TMEM259: variants seen among roughly 807,000 people sequenced by gnomAD.
The protein encoded by TMEM259 is transmembrane protein 259.
TMEM259 carries 26 observed loss-of-function variants against 46.7 expected under a neutral mutation model. The observed-to-expected ratio is 0.56, with a 90% CI of 0.41 to 0.77. The LOEUF (loss-of-function observed/expected upper bound fraction) is 0.77, where lower values mean the gene tolerates loss of function less well. TMEM259 is among the 30% of genes least tolerant of loss of function. The pLI is 0.00. For synonymous variants in TMEM259, 494 were observed against 395.1 expected (o/e 1.25, Z -2.97); for missense variants, 930 against 900.5 (o/e 1.03, Z -0.42).
intron 2 of TMEM259, 47 bp from the exon 3 acceptor site, chr19:1,013,387 G>T (rs1250185582): frequency 6.3e-7 from 1 of 1,583,366 alleles, no homozygotes; most frequent in Admixed American, 1.7e-5. Flanking sequence ...AGCCCGGGCT[G>T]TGAGGGCCCA....
Position 1,009,827 on chromosome 19 carries a change from G to A in TMEM259, c.*523C>T, listed in dbSNP as rs1294847586. The stretch of plus-strand genomic sequence containing the variant: ...CCTGGCTGCTGCCACTGATGTTGGC[G>A]CCTGCACCCCACGTCCCTATGCCCG... On this transcript the variant is annotated 3_prime_UTR_variant, in exon 11 of 11. Transcript: ENST00000356663. 4.4e-6 allele frequency: 2 copies of A among 454,532 alleles called. No homozygotes were observed. The highest frequency in any genetic ancestry group is 4.5e-5 in the South Asian group (1 of 22,132). 28.2% of individuals were successfully genotyped at this position (454,532 alleles called of 1,614,324 possible).
At chr19:1,014,585 A>G in intron 1 of TMEM259, 112 bp from the exon 2 acceptor site, 1 of 1,275,346 alleles carries the variant, frequency 7.8e-7, no homozygotes, top group East Asian at 2.5e-5. Context: ...GGACGGGGAA[A>G]GGAAGGAAAC....
At chr19:1,016,092 G>A (rs968292745) in intron 1 of TMEM259, among the ~76,000 whole-genome samples, 2 of 152,196 alleles carry the variant, frequency 1.3e-5, no homozygotes, top group Non-Finnish European at 2.9e-5. Context: ...AGCCGCAGGG[G>A]ATGAAGGCTG....
chr19:1,017,151 G>C (rs931242541), intron 1 of TMEM259: 4 of 397,998 alleles, frequency 1.0e-5, no homozygotes, highest in Non-Finnish European at 1.8e-5. Context: ...CCCGAGTCCC[G>C]GGTCCTCCTC....
Position 1,014,429 on chromosome 19 carries a change from G to A in TMEM259, c.270C>T (p.Phe90=). The change falls in exon 2 of 11, where the codon TTC becomes TTT. Residue 90 remains phenylalanine, a synonymous_variant. Transcript: ENST00000356663. The part of the protein sequence containing the change: ...LFVLAYIHIV[F]SRSPINCLEH... ...CCAGGCAGTTGATGGGCGAGCGGGAGAAGACGATGTGGATGTAGGCCAGGA... is the reference window on the plus strand; with the variant it reads ...CCAGGCAGTTGATGGGCGAGCGGGAAAAGACGATGTGGATGTAGGCCAGGA... The A allele has an allele frequency of 6.2e-7, 1 of 1,612,130 alleles. No individual in the cohort carries two copies. The highest frequency in any genetic ancestry group is 8.5e-7 in the Non-Finnish European group (1 of 1,179,882).
At chr19:1,014,582 G>T (rs2039047684) in intron 1 of TMEM259, 109 bp from the exon 2 acceptor site, 1 of 1,283,864 alleles carries the variant, frequency 7.8e-7, no homozygotes, top group Non-Finnish European at 1.1e-6. Context: ...CCAGGACGGG[G>T]AAAGGAAGGA....
At position 1,014,294 on chromosome 19, in the gene TMEM259, C is replaced by A. The variant is rs1230570983; in HGVS notation, c.405G>T (p.Gly135=). The A allele has an allele frequency of 6.2e-7, 1 of 1,612,648 alleles. No individual in the cohort carries two copies. The highest frequency in any genetic ancestry group is 2.2e-5 in the East Asian group (1 of 44,876). Residue 135 remains glycine (G), a synonymous_variant, in exon 2 of 11, where the codon GGG becomes GGT. Transcript: ENST00000356663. ...FLQFCDSGGR[G]SFPGLAVEPG... Reference sequence around the variant, plus strand: ...GTTCCACGGCCAGGCCCGGGAAGCTCCCGCGGCCGCCGCTGTCACAGAACT... The same window carrying A: ...GTTCCACGGCCAGGCCCGGGAAGCTACCGCGGCCGCCGCTGTCACAGAACT...
chr19:1,019,184 T>C (rs1431514187), intron 1 of TMEM259, among the ~76,000 whole-genome samples: 2 of 152,112 alleles, frequency 1.3e-5, no homozygotes, highest in East Asian at 3.8e-4. Context: ...CGGGTAGGCT[T>C]GATCCCTTTC....
intron 1 of TMEM259, among the ~76,000 whole-genome samples, chr19:1,015,504 C>G (rs1014268302): frequency 6.6e-6 from 1 of 152,192 alleles, no homozygotes; most frequent in Non-Finnish European, 1.5e-5. Context: ...CCCGCCTCAC[C>G]GTCTGGCGGT....
At chr19:1,016,377 G>A (rs959470252) in intron 1 of TMEM259, among the ~76,000 whole-genome samples, 1 of 152,182 alleles carries the variant, frequency 6.6e-6, no homozygotes, top group Admixed American at 6.5e-5. Flanking sequence ...CCAGTGGTGG[G>A]TCACGGTCAG....
In TMEM259 at chr19:1,010,508, G is replaced by A. The variant is rs779786855; in HGVS notation, c.1705C>T (p.Pro569Ser). 6.5e-7 allele frequency: 1 copy of A among 1,547,790 alleles called. No homozygotes were observed. The highest frequency in any genetic ancestry group is 8.7e-7 in the Non-Finnish European group (1 of 1,146,450). ...GGGAGGCCCCCAGCAGGGCCCAGCG[G>A]GCTGGCTGGACGCCGCTCCAGGAGG... ...ASLLERRPAS[P>S]LGPAGGLPHA... is the part of the protein sequence containing the mutation. The change falls in exon 11 of 11, where the codon CCG (proline) becomes TCG (serine). Residue 569 changes from proline (P) to serine (S), a missense_variant. Physicochemically the swap from Pro to Ser is moderately conservative, Grantham distance 74. Transcript: ENST00000356663.
chr19:1,011,227 A>T, intron 9 of TMEM259, 32 bp from the exon 10 acceptor site: 3 of 1,558,456 alleles, frequency 1.9e-6, no homozygotes, highest in Non-Finnish European at 2.6e-6. Flanking sequence ...TCGGGGCTGC[A>T]GGTCCCACCC....
chr19:1,011,976 C>A lies in TMEM259; in HGVS notation c.858G>T (p.Val286=), dbSNP rs1316978913. 2 of 1,612,048 alleles carry A rather than the reference C, an allele frequency of 1.2e-6. No homozygotes were observed. The highest frequency in any genetic ancestry group is 2.7e-5 in the African/African-American group (2 of 74,866). The change falls in exon 6 of 11, where the codon GTG becomes GTT. Residue 286 remains valine, a synonymous_variant. Transcript: ENST00000356663. ...NEENKGFLRN[V]VSGEHYRFVS... Reference sequence around the variant, plus strand: ...CAAAGCGGTAGTGCTCGCCCGACACCACATTCCGCAGGAAGCCTGCAGCAG... The same window carrying A: ...CAAAGCGGTAGTGCTCGCCCGACACAACATTCCGCAGGAAGCCTGCAGCAG...
chr19:1,017,519 G>T (rs776503842), intron 1 of TMEM259: 1 of 398,474 alleles, frequency 2.5e-6, no homozygotes, highest in Non-Finnish European at 4.4e-6. Context: ...CCCAGCACAG[G>T]AGTCACCCCA....
chr19:1,013,150 C>A, intron 3 of TMEM259, 91 bp downstream of exon 3: 3 of 1,151,112 alleles, frequency 2.6e-6, no homozygotes, highest in Non-Finnish European at 1.3e-6. Context: ...AGCCAGCAGG[C>A]TGGGGATGTT....
chr19:1,020,664 G>A lies in TMEM259; in HGVS notation c.225+108C>T. The A allele has an allele frequency of 2.6e-6, 2 of 768,728 alleles. No homozygotes were observed. The highest frequency in any genetic ancestry group is 3.6e-6 in the Non-Finnish European group (2 of 556,542). The allele number at this position is 768,728 out of a possible 1,614,324, so 47.6% of individuals were successfully genotyped here. ...CCGGGTATAGGCCTCAGGGTGCAGG[G>A]TGGCGCTCGCTGTCCCCAGCGGGGC... On this transcript the variant is annotated intron_variant, in intron 1 of 10. Transcript: ENST00000356663. This position sits in a 1 kb window ranked among gnomAD's most constrained non-coding sequence, Gnocchi z 4.0.
rs543289243 is a variant in TMEM259, at chr19:1,010,651, C to A, written c.1562G>T (p.Ser521Ile). The A allele has an allele frequency of 7.1e-5, 110 of 1,538,572 alleles. 1 individual carries two copies. In the African/African-American group the frequency reaches 1.0e-3, roughly 15 times the overall value. The change falls in exon 11 of 11, where the codon AGC becomes ATC. Residue 521 changes from serine to isoleucine, a missense_variant. Coordinates refer to ENST00000356663, the MANE Select transcript of TMEM259 (RefSeq NM_001033026.2). ...GSPGPVAAAPSSLVAAAASVA... is the reference protein window; with the variant it reads ...GSPGPVAAAPISLVAAAASVA... ...TGAGGCTGCCGCGGCCACCAGGGAGCTGGGCGCCGCTGCCACAGGCCCGGG... is the reference window on the plus strand; with the variant it reads ...TGAGGCTGCCGCGGCCACCAGGGAGATGGGCGCCGCTGCCACAGGCCCGGG...
chr19:1,011,983 C>T lies in TMEM259; in HGVS notation c.851G>A (p.Arg284Gln), dbSNP rs142318806. 3.1e-5 allele frequency: 50 copies of T among 1,612,074 alleles called. No individual in the cohort carries two copies. Among genetic ancestry groups the T allele is most frequent in the Admixed American group, 2.0e-4 (12 of 59,962 alleles). The change falls in exon 6 of 11, where the codon CGG becomes CAG. Residue 284 changes from arginine (R) to glutamine (Q), a missense_variant. Arg to Gln is a conservative substitution (Grantham distance 43). Coordinates refer to ENST00000356663, the MANE Select transcript of TMEM259 (RefSeq NM_001033026.2). ...GTAGTGCTCGCCCGACACCACATTCCGCAGGAAGCCTGCAGCAGAAGGAGC... is the reference window on the plus strand; with the variant it reads ...GTAGTGCTCGCCCGACACCACATTCTGCAGGAAGCCTGCAGCAGAAGGAGC... ...AENEENKGFL[R>Q]NVVSGEHYRF... is the part of the protein sequence containing the mutation.
chr19:1,015,518 G>T (rs1259614480), intron 1 of TMEM259, among the ~76,000 whole-genome samples: 1 of 152,170 alleles, frequency 6.6e-6, no homozygotes, highest in Non-Finnish European at 1.5e-5. Flanking sequence ...TGGCGGTTTG[G>T]CTGCCCACTG....
Sources: gnomAD v4.1 joint callset for allele counts (sites outside exome capture counted in the v4.1 genomes callset) on GRCh38, gnomAD v4.1.1 for gene constraint, Gnocchi (gnomAD v3.1) non-coding constraint, MANE v1.5 for transcripts, NCBI Gene and HGNC (gene_info 2026-07-23, HGNC 2026-07-21) for gene names.